NCEH1: variants seen among roughly 807,000 people sequenced by gnomAD.
NCEH1 encodes the protein neutral cholesterol ester hydrolase 1.
A neutral mutation model predicts 25.4 loss-of-function variants in NCEH1; 9 were observed. That is an observed-to-expected ratio of 0.35 (90% CI 0.21 to 0.62). NCEH1 has a LOEUF of 0.62. Ranked by LOEUF, NCEH1 falls within the 20% of genes least tolerant of loss-of-function variation. The pLI is 0.72. For synonymous variants in NCEH1, 200 were observed against 199.8 expected, an observed-to-expected ratio of 1.00 and a Z score of -0.01; for missense variants, 412 against 501.1, an observed-to-expected ratio of 0.82 and a Z score of 1.70.
At chr3:172,688,515 G>A (rs1712835248) in intron 1 of NCEH1, among the ~76,000 whole-genome samples, 1 of 151,978 alleles carries the variant, frequency 6.6e-6, no homozygotes, top group Non-Finnish European at 1.5e-5. Flanking sequence ...ACTCTTGGGG[G>A]AAATAACAAA....
intron 1 of NCEH1, among the ~76,000 whole-genome samples, chr3:172,655,570 C>A (rs1035559213): frequency 6.6e-6 from 1 of 152,166 alleles, no homozygotes; most frequent in East Asian, 1.9e-4. Flanking sequence ...GCGGTGTTCA[C>A]GCTTTAGTCC....
chr3:172,689,251 CTTTTTT>C lies in NCEH1; in HGVS notation c.138+21590_138+21595del, dbSNP rs34888694. On this transcript the variant is annotated intron_variant, in intron 1 of 4. Transcript: ENST00000475381. ...TACCTCATGAAATGACTTGGAGTAA[CTTTTTT>C]TTTTTTTTTTTTTTTTTTGGGATGG... Among the ~76,000 whole-genome samples, 20 of 80,936 alleles carry C rather than the reference CTTTTTT, an allele frequency of 2.5e-4. No homozygotes were observed. The South Asian group carries it at 3.6e-3, about 14-fold the overall frequency. The allele number at this position is 80,936 out of a possible 152,430, so 53.1% of individuals were successfully genotyped here. A position where few individuals can be genotyped will look rare whatever the true frequency, so the allele number is the denominator to read the frequency against.
chr3:172,698,142 A>G (rs1009675040), intron 1 of NCEH1, among the ~76,000 whole-genome samples: 2 of 152,000 alleles, frequency 1.3e-5, no homozygotes, highest in South Asian at 4.2e-4. Context: ...ATGCCCGGCT[A>G]ATTTTTGTAT....
At chr3:172,691,063 C>G (rs2108528438) in intron 1 of NCEH1, among the ~76,000 whole-genome samples, 1 of 152,264 alleles carries the variant, frequency 6.6e-6, no homozygotes, top group African/African-American at 2.4e-5. Flanking sequence ...ACTCATATTC[C>G]TATATTTTGC....
intron 3 of NCEH1, among the ~76,000 whole-genome samples, chr3:172,643,931 T>G (rs1250746100): frequency 6.6e-6 from 1 of 152,214 alleles, no homozygotes; most frequent in Admixed American, 6.5e-5. Context: ...TCAGGCCAAC[T>G]GCCCAAATCA....
chr3:172,694,021 G>A (rs1278180415), intron 1 of NCEH1, among the ~76,000 whole-genome samples: 1 of 152,092 alleles, frequency 6.6e-6, no homozygotes, highest in Non-Finnish European at 1.5e-5. Context: ...AGCCTCCTGA[G>A]TAGCTAGGAC....
intron 4 of NCEH1, among the ~76,000 whole-genome samples, 186 bp from the exon 5 acceptor site, chr3:172,634,278 A>T (rs998782188): frequency 2.0e-5 from 3 of 152,216 alleles, no homozygotes; most frequent in Non-Finnish European, 4.4e-5. Context: ...TCACCACCCT[A>T]TCAAGCTGCT....
chr3:172,657,437 T>G (rs1419598151), intron 1 of NCEH1, among the ~76,000 whole-genome samples: 1 of 152,138 alleles, frequency 6.6e-6, no homozygotes, highest in African/African-American at 2.4e-5. Context: ...GTCCTCAGCT[T>G]CTTCTCTCAC....
chr3:172,674,775 T>C lies in NCEH1; in HGVS notation c.139-26661A>G, dbSNP rs984164315. Reference sequence around the variant, plus strand: ...CTGTGGCACCCACAATGTGGAATTCTGGTTGTAAAATTCTAATTGCCATAA... The same window carrying C: ...CTGTGGCACCCACAATGTGGAATTCCGGTTGTAAAATTCTAATTGCCATAA... On this transcript the variant is annotated intron_variant, in intron 1 of 4. Coordinates refer to ENST00000475381, the MANE Select transcript of NCEH1 (RefSeq NM_020792.6). Among the ~76,000 whole-genome samples, 3 of 152,258 alleles carry C rather than the reference T, an allele frequency of 2.0e-5. No individual in the cohort carries two copies. The East Asian group carries it at 5.8e-4, about 29-fold the overall frequency.
chr3:172,650,736 C>T (rs757306480), intron 1 of NCEH1, among the ~76,000 whole-genome samples: 4 of 145,194 alleles, frequency 2.8e-5, no homozygotes, highest in Admixed American at 7.0e-5. Context: ...CGCTTGAACC[C>T]GGGAGGCAGA....
chr3:172,635,603 C>T (rs539365216), intron 4 of NCEH1, among the ~76,000 whole-genome samples: 2 of 152,218 alleles, frequency 1.3e-5, no homozygotes, highest in East Asian at 3.9e-4. Context: ...GCAAGTCAAA[C>T]ATGAAAAAGG....
chr3:172,676,347 G>T (rs997322165), intron 1 of NCEH1, among the ~76,000 whole-genome samples: 1 of 152,120 alleles, frequency 6.6e-6, no homozygotes, highest in African/African-American at 2.4e-5. Context: ...GGCGACTCCT[G>T]CCTTCTTCTT....
chr3:172,651,581 TAG>T (rs1717407662), intron 1 of NCEH1, among the ~76,000 whole-genome samples: 1 of 151,554 alleles, frequency 6.6e-6, no homozygotes, highest in Non-Finnish European at 1.5e-5. Context: ...TTTTTTGAGG[TAG>T]AGTCTCGCTC....
chr3:172,706,911 T>C (rs1209069677), intron 1 of NCEH1, among the ~76,000 whole-genome samples: 1 of 152,248 alleles, frequency 6.6e-6, no homozygotes, highest in African/African-American at 2.4e-5. Flanking sequence ...GTTTTTGTTT[T>C]TTTTCTTTGT....
chr3:172,648,224 C>T lies in NCEH1; in HGVS notation c.139-110G>A, dbSNP rs955965949. On this transcript the variant is annotated intron_variant, in intron 1 of 4. Transcript: ENST00000475381. The stretch of plus-strand genomic sequence containing the variant: ...ATTCCTACAAGCAGCTGCCACTGGA[C>T]TGGAGGGCTCATTGAGCCCTTTTAA... 13 of 1,278,502 alleles carry T rather than the reference C, an allele frequency of 1.0e-5. No homozygotes were observed. The Admixed American group carries it at 2.2e-4, about 22-fold the overall frequency. 79.2% of individuals were successfully genotyped at this position (1,278,502 alleles called of 1,614,324 possible).
At chr3:172,680,812 A>G (rs1352387896) in intron 1 of NCEH1, 1 of 152,276 alleles carries the variant, frequency 6.6e-6, no homozygotes, top group African/African-American at 2.4e-5. Context: ...CTGACAGCAC[A>G]GCAGAGTGGT....
intron 3 of NCEH1, among the ~76,000 whole-genome samples, chr3:172,644,183 G>A (rs79879004): frequency 3.3e-4 from 30 of 89,564 alleles, no homozygotes; most frequent in Admixed American, 1.0e-3. Flanking sequence ...AGGGCTTTGG[G>A]GTGACTCTAG....
intron 1 of NCEH1, among the ~76,000 whole-genome samples, chr3:172,694,388 G>A (rs1713243420): frequency 1.3e-5 from 2 of 148,338 alleles, no homozygotes. Flanking sequence ...ATGTGTGTGT[G>A]TGTGTCTGTG....
intron 1 of NCEH1, among the ~76,000 whole-genome samples, chr3:172,698,479 A>G (rs1280831076): frequency 6.6e-6 from 1 of 152,244 alleles, no homozygotes; most frequent in East Asian, 1.9e-4. Flanking sequence ...TTTAAAAAGT[A>G]GATTTCAAAG....
Sources: allele counts gnomAD v4.1 joint callset (sites outside exome capture counted in the v4.1 genomes callset), GRCh38; gene constraint gnomAD v4.1.1; transcripts MANE v1.5; gene names NCBI Gene and HGNC (gene_info 2026-07-23, HGNC 2026-07-21).